Variants in GALNTL6 observed in about 807,000 individuals in gnomAD.
GALNTL6 encodes the protein polypeptide N-acetylgalactosaminyltransferase-like 6.
A neutral mutation model predicts 73.7 loss-of-function variants in GALNTL6; 46 were observed. That is an observed-to-expected ratio of 0.62 (90% CI 0.49 to 0.80). GALNTL6 has a LOEUF of 0.80. Ranked by LOEUF, GALNTL6 falls within the 30% of genes least tolerant of loss-of-function variation. The probability of loss-of-function intolerance (pLI) is 0.00; values close to 1 mark genes in which losing one functional copy is unlikely to be tolerated. For missense variants in GALNTL6, 604 were observed against 755.0 expected (o/e 0.80, Z 2.34); for synonymous variants, 259 against 263.7 (o/e 0.98, Z 0.17).
At chr4:172,156,169 T>A (rs1444515592) in intron 2 of GALNTL6, among the ~76,000 whole-genome samples, 2 of 151,898 alleles carry the variant, frequency 1.3e-5, no homozygotes, top group Non-Finnish European at 2.9e-5. Flanking sequence ...AGTGTCCGAG[T>A]CTGAAGTGAC....
intron 2 of GALNTL6, among the ~76,000 whole-genome samples, chr4:171,922,617 A>C (rs1302451782): frequency 6.6e-6 from 1 of 151,736 alleles, no homozygotes; most frequent in Non-Finnish European, 1.5e-5. Flanking sequence ...TTTTTCTCTG[A>C]ATTCTCTTTT....
chr4:172,324,274 G>C (rs577088235), intron 4 of GALNTL6, among the ~76,000 whole-genome samples: 31 of 151,976 alleles, frequency 2.0e-4, no homozygotes, highest in African/African-American at 7.2e-4. Flanking sequence ...GATAGAGTCA[G>C]ACGCCAATGT....
intron 2 of GALNTL6, among the ~76,000 whole-genome samples, chr4:171,908,724 T>C (rs1299705563): frequency 6.7e-6 from 1 of 148,992 alleles, no homozygotes; most frequent in Non-Finnish European, 1.5e-5. Flanking sequence ...ATTCACAATA[T>C]CAAAGACTTG....
chr4:171,838,260 G>A (rs1347778831), intron 2 of GALNTL6, among the ~76,000 whole-genome samples: 2 of 151,740 alleles, frequency 1.3e-5, no homozygotes, highest in Admixed American at 1.3e-4. Context: ...AGAAGCTGGG[G>A]TTACAGGAGC....
intron 2 of GALNTL6, among the ~76,000 whole-genome samples, chr4:172,007,135 G>A (rs1740867625): frequency 6.6e-6 from 1 of 151,960 alleles, no homozygotes; most frequent in African/African-American, 2.4e-5. Context: ...TTTTGTGTCT[G>A]TCAGACTGAA....
chr4:172,194,785 T>C (rs1735699251), intron 2 of GALNTL6, among the ~76,000 whole-genome samples: 1 of 152,024 alleles, frequency 6.6e-6, no homozygotes, highest in African/African-American at 2.4e-5. Flanking sequence ...TTTCAAGAGC[T>C]CCTGAAGGAA....
At chr4:172,843,502 T>A (rs1743330079) in intron 7 of GALNTL6, among the ~76,000 whole-genome samples, 1 of 152,194 alleles carries the variant, frequency 6.6e-6, no homozygotes, top group South Asian at 2.1e-4. Flanking sequence ...AGAAAGGCCA[T>A]GGCTTCTGAA....
chr4:173,010,437 A>G (rs2126495170), intron 11 of GALNTL6, among the ~76,000 whole-genome samples: 1 of 152,252 alleles, frequency 6.6e-6, no homozygotes, highest in African/African-American at 2.4e-5. Flanking sequence ...GGTTGCCTCC[A>G]AATTTTGGCC....
chr4:172,300,024 A>G (rs987228741), intron 3 of GALNTL6, among the ~76,000 whole-genome samples: 29 of 152,270 alleles, frequency 1.9e-4, no homozygotes, highest in Non-Finnish European at 3.5e-4. Flanking sequence ...TAGGTCTCTA[A>G]GGACTTGCTT....
chr4:171,951,557 T>C (rs1166388709), intron 2 of GALNTL6, among the ~76,000 whole-genome samples: 1 of 151,746 alleles, frequency 6.6e-6, no homozygotes, highest in Non-Finnish European at 1.5e-5. Context: ...ATATTGGACA[T>C]AAGTAAAACA....
intron 2 of GALNTL6, among the ~76,000 whole-genome samples, chr4:171,955,200 A>C (rs1739005358): frequency 6.6e-6 from 1 of 152,158 alleles, no homozygotes; most frequent in Non-Finnish European, 1.5e-5. Flanking sequence ...ACATTGCAAG[A>C]AACAAAAACA....
In GALNTL6 at chr4:172,506,356, G is replaced by A. The variant is rs542760098; in HGVS notation, c.553+157667G>A. 7.5e-4 allele frequency among the ~76,000 whole-genome samples: 40 copies of A among 53,460 alleles called. 17 individuals are homozygous for A. The highest frequency in any genetic ancestry group is 1.7e-3 in the African/African-American group (36 of 21,310). 35.1% of individuals were successfully genotyped at this position (53,460 alleles called of 152,430 possible). A position where few individuals can be genotyped will look rare whatever the true frequency, so the allele number is the denominator to read the frequency against. On this transcript the variant is annotated intron_variant, in intron 5 of 12. Coordinates refer to ENST00000506823, the MANE Select transcript of GALNTL6 (RefSeq NM_001034845.3). ...ACCCTCCATGATCCTCATAAAAACC[G>A]ACTCAAACTCATTGGAGAGATGGAG...
intron 5 of GALNTL6, among the ~76,000 whole-genome samples, chr4:172,579,322 G>A (rs539759104): frequency 6.6e-6 from 1 of 152,252 alleles, no homozygotes; most frequent in South Asian, 2.1e-4. Context: ...TGCATTTCTA[G>A]TGATGTGACC....
intron 2 of GALNTL6, among the ~76,000 whole-genome samples, chr4:172,120,454 C>CT (rs1211614417): frequency 3.9e-5 from 6 of 151,914 alleles, no homozygotes; most frequent in Admixed American, 1.3e-4. Context: ...GCCTTTATCC[C>CT]TTTTTTTTCT....
intron 8 of GALNTL6, among the ~76,000 whole-genome samples, chr4:172,895,499 T>G (rs902693901): frequency 6.6e-6 from 1 of 152,018 alleles, no homozygotes; most frequent in South Asian, 2.1e-4. Flanking sequence ...ATATTAGAAC[T>G]CCCTTAAATG....
At chr4:172,814,119 A>G (rs1741467012) in intron 7 of GALNTL6, among the ~76,000 whole-genome samples, 1 of 152,262 alleles carries the variant, frequency 6.6e-6, no homozygotes. Context: ...TTGATATAAA[A>G]TATGAACCAG....
intron 2 of GALNTL6, among the ~76,000 whole-genome samples, chr4:172,134,504 T>C (rs1180067601): frequency 6.6e-6 from 1 of 152,202 alleles, no homozygotes; most frequent in Non-Finnish European, 1.5e-5. Context: ...TAGAATGGTT[T>C]CAACCTTTAT....
chr4:172,454,170 A>G (rs1732310950), intron 5 of GALNTL6, among the ~76,000 whole-genome samples: 1 of 152,220 alleles, frequency 6.6e-6, no homozygotes, highest in Non-Finnish European at 1.5e-5. Context: ...GGGAGTCAGA[A>G]AAAGATTTAC....
intron 2 of GALNTL6, among the ~76,000 whole-genome samples, chr4:171,964,011 T>C (rs1213278319): frequency 1.3e-5 from 2 of 152,214 alleles, no homozygotes; most frequent in Non-Finnish European, 2.9e-5. Context: ...CCCATTATAT[T>C]ATAAAAGAAT....
Sources: allele counts gnomAD v4.1 joint callset (sites outside exome capture counted in the v4.1 genomes callset), GRCh38; gene constraint gnomAD v4.1.1; transcripts MANE v1.5; gene names NCBI Gene and HGNC (gene_info 2026-07-23, HGNC 2026-07-21).